The following AKAP13 variants were observed in gnomAD, a reference collection of about 807,000 sequenced individuals.
AKAP13 encodes the protein A-kinase anchor protein 13.
In AKAP13, 80 loss-of-function variants were observed where a neutral mutation model predicts 264.5. The observed-to-expected ratio is 0.30, with a 90% CI of 0.25 to 0.36. The LOEUF (loss-of-function observed/expected upper bound fraction) is 0.36. AKAP13 is among the 10% of genes least tolerant of loss of function. AKAP13 has a pLI of 1.00. For synonymous variants in AKAP13, 1,380 were observed against 1,250.2 expected (o/e 1.10, Z -2.19); for missense variants, 3,712 against 3,435.2 (o/e 1.08, Z -2.01).
At chr15:85,664,541 A>C in intron 12 of AKAP13, 22 bp from the exon 13 acceptor site, 1 of 1,576,346 alleles carries the variant, frequency 6.3e-7, no homozygotes, top group Non-Finnish European at 8.6e-7. Context: ...AGAATGAATT[A>C]ACTTTTGTGC....
intron 2 of AKAP13, among the ~76,000 whole-genome samples, chr15:85,516,341 C>T (rs960405895): frequency 6.6e-6 from 1 of 152,016 alleles, no homozygotes; most frequent in Non-Finnish European, 1.5e-5. Context: ...AACAACATAC[C>T]CCAAGTTAAA....
At chr15:85,685,093 A>G (rs2084817493) in intron 16 of AKAP13, 2 of 484,350 alleles carry the variant, frequency 4.1e-6, no homozygotes, top group Non-Finnish European at 7.0e-6. Context: ...AGTGCTTTCC[A>G]TATATTATTT....
intron 1 of AKAP13, among the ~76,000 whole-genome samples, chr15:85,426,245 C>T (rs186111232): frequency 1.1e-4 from 17 of 152,242 alleles, no homozygotes; most frequent in Middle Eastern, 3.4e-3. Context: ...CACTGTATTA[C>T]GAGACCTTGA....
chr15:85,657,432 A>G (rs1334606586), intron 11 of AKAP13, among the ~76,000 whole-genome samples: 1 of 152,020 alleles, frequency 6.6e-6, no homozygotes, highest in East Asian at 1.9e-4. Context: ...TTTATAACAC[A>G]TTTCTGATAT....
At chr15:85,695,481 C>T (rs2085516821) in intron 17 of AKAP13, among the ~76,000 whole-genome samples, 1 of 152,146 alleles carries the variant, frequency 6.6e-6, no homozygotes, top group Non-Finnish European at 1.5e-5. Flanking sequence ...CACTTTCTTG[C>T]TTGGAAGAGG....
intron 2 of AKAP13, among the ~76,000 whole-genome samples, chr15:85,486,288 T>C (rs2075542078): frequency 6.6e-6 from 1 of 151,906 alleles, no homozygotes; most frequent in South Asian, 2.1e-4. Context: ...TTGTTGCTTT[T>C]TTTTTTGGCA....
At chr15:85,466,430 T>C (rs943248189) in intron 1 of AKAP13, among the ~76,000 whole-genome samples, 1 of 152,188 alleles carries the variant, frequency 6.6e-6, no homozygotes, top group East Asian at 1.9e-4. Context: ...TCCTTGCCCA[T>C]GCCTATGTCC....
intron 1 of AKAP13, among the ~76,000 whole-genome samples, chr15:85,435,246 C>T (rs925100902): frequency 4.7e-5 from 7 of 149,602 alleles, no homozygotes; most frequent in African/African-American, 7.4e-5. Flanking sequence ...TGAAATGAAG[C>T]GAGAAGGGAA....
At chr15:85,646,763 A>C (rs1333997806) in intron 10 of AKAP13, among the ~76,000 whole-genome samples, 1 of 152,142 alleles carries the variant, frequency 6.6e-6, no homozygotes. Flanking sequence ...GCCCTTCCAC[A>C]TGAATCAGCT....
chr15:85,550,143 G>A (rs946980438), intron 5 of AKAP13, among the ~76,000 whole-genome samples: 21 of 152,102 alleles, frequency 1.4e-4, no homozygotes, highest in African/African-American at 4.1e-4. Flanking sequence ...TCTCGATTTC[G>A]TGACCTCGTG....
At chr15:85,437,197 C>T (rs563853059) in intron 1 of AKAP13, among the ~76,000 whole-genome samples, 21 of 148,416 alleles carry the variant, frequency 1.4e-4, no homozygotes, top group Admixed American at 6.7e-4. Flanking sequence ...AACACCTCTA[C>T]GCAAATAAAC....
At chr15:85,498,199 G>GATATATATATATATATATAT (rs59420326) in intron 2 of AKAP13, among the ~76,000 whole-genome samples, 29 of 133,068 alleles carry the variant, frequency 2.2e-4, no homozygotes, top group African/African-American at 8.0e-4. Context: ...AATGAAGTGA[G>GATATATATATATATATATAT]ATATATATAT....
intron 30 of AKAP13, among the ~76,000 whole-genome samples, chr15:85,733,701 T>C (rs2088212464): frequency 3.3e-5 from 5 of 152,084 alleles, no homozygotes; most frequent in Admixed American, 3.3e-4. Flanking sequence ...ACCTTCTTTT[T>C]TATTAAGCCA....
At chr15:85,720,004 G>A (rs764088338) in intron 23 of AKAP13, among the ~76,000 whole-genome samples, 15 of 152,048 alleles carry the variant, frequency 9.9e-5, no homozygotes, top group African/African-American at 1.9e-4. Flanking sequence ...AGGCTGAGGC[G>A]GATGGATTGC....
chr15:85,460,254 T>C lies in AKAP13; in HGVS notation c.-11-25456T>C, dbSNP rs1287998200. Among the ~76,000 whole-genome samples, 3 of 152,252 alleles carry C rather than the reference T, an allele frequency of 2.0e-5. No homozygotes were observed. In the East Asian group the frequency reaches 5.8e-4, roughly 29 times the overall value. ...CACCAAGCTTTTGCTATCAAACTTCTAGCAGTTTTCTGACTATTGTGTGCA... is the reference window on the plus strand; with the variant it reads ...CACCAAGCTTTTGCTATCAAACTTCCAGCAGTTTTCTGACTATTGTGTGCA... On this transcript the variant is annotated intron_variant, in intron 1 of 36. Coordinates refer to ENST00000394518, the MANE Select transcript of AKAP13 (RefSeq NM_007200.5).
chr15:85,741,104 G>C lies in AKAP13; in HGVS notation c.7667G>C (p.Arg2556Thr), dbSNP rs371984959. 4 of 1,613,506 alleles carry C rather than the reference G, an allele frequency of 2.5e-6. No individual in the cohort carries two copies. Among genetic ancestry groups the C allele is most frequent in the Non-Finnish European group, 3.4e-6 (4 of 1,179,868 alleles). ...GACCAGAAACTGGTGCTGAGCGAGA[G>C]GGCGCTCACTCGCAGCTTGTCCCGC... ...IEDQKLVLSE[R>T]ALTRSLSRPS... The change falls in exon 35 of 37, where the codon AGG becomes ACG. Residue 2556 changes from arginine (R) to threonine (T), a missense_variant. Physicochemically the swap from Arg to Thr is moderately conservative, Grantham distance 71. Transcript: ENST00000394518.
At chr15:85,740,031 C>G (rs1248526226) in intron 33 of AKAP13, among the ~76,000 whole-genome samples, 191 bp from the exon 34 acceptor site, 2 of 152,058 alleles carry the variant, frequency 1.3e-5, no homozygotes, top group African/African-American at 2.4e-5. Context: ...TCACTGTGGT[C>G]TTCGTTTGTT....
At chr15:85,704,576 G>A (rs1291052201) in intron 17 of AKAP13, among the ~76,000 whole-genome samples, 2 of 152,194 alleles carry the variant, frequency 1.3e-5, no homozygotes, top group African/African-American at 4.8e-5. Flanking sequence ...TGGACTGTTT[G>A]TTTTAGGTAC....
chr15:85,504,653 C>G (rs2076150788), intron 2 of AKAP13, among the ~76,000 whole-genome samples: 1 of 144,354 alleles, frequency 6.9e-6, no homozygotes, highest in Non-Finnish European at 1.5e-5. Flanking sequence ...GGTCGCACCA[C>G]TGTACTCCAG....
Sources: allele counts gnomAD v4.1 joint callset (sites outside exome capture counted in the v4.1 genomes callset), GRCh38; gene constraint gnomAD v4.1.1; transcripts MANE v1.5; gene names NCBI Gene and HGNC (gene_info 2026-07-23, HGNC 2026-07-21).